The following ARPP21 variants were observed in gnomAD, a reference collection of about 807,000 sequenced individuals.
ARPP21 encodes the protein cAMP regulated phosphoprotein 21.
ARPP21 carries 69 observed loss-of-function variants against 113.2 expected under a neutral mutation model. The observed-to-expected ratio is 0.61, with a 90% confidence interval of 0.50 to 0.74. The LOEUF (loss-of-function observed/expected upper bound fraction) is 0.74, where lower values mean the gene tolerates loss of function less well. ARPP21 is among the 30% of genes least tolerant of loss of function. The pLI is 0.00. For synonymous variants in ARPP21, 368 were observed against 375.5 expected (o/e 0.98, Z 0.23); for missense variants, 1,070 against 1,037.4 (o/e 1.03, Z -0.43).
Position 35,687,641 on chromosome 3 carries a change from G to T in ARPP21, c.262-98G>T, listed in dbSNP as rs561563617. 17 of 1,131,660 alleles carry T rather than the reference G, an allele frequency of 1.5e-5. No homozygotes were observed. In the African/African-American group the frequency reaches 2.5e-4, roughly 16 times the overall value. 70.1% of individuals were successfully genotyped at this position (1,131,660 alleles called of 1,614,324 possible). A position where few individuals can be genotyped will look rare whatever the true frequency, so the allele number is the denominator to read the frequency against. ...TTTAGAAAAAAAAAATCTGCACCTG[G>T]TTTTCATTTTTCTATACTTTATAAC... is the stretch of plus-strand genomic sequence containing the variant. On this transcript the variant is annotated intron_variant, in intron 5 of 20. Coordinates refer to ENST00000684406, the MANE Select transcript of ARPP21 (RefSeq NM_001385562.1).
intron 9 of ARPP21, among the ~76,000 whole-genome samples, chr3:35,705,310 A>G (rs1315246498): frequency 6.6e-6 from 1 of 152,190 alleles, no homozygotes; most frequent in East Asian, 1.9e-4. Flanking sequence ...ATATCTTTAC[A>G]GTGTAATAAG....
intron 1 of ARPP21, chr3:35,651,731 T>C (rs967075229): frequency 1.3e-5 from 2 of 152,110 alleles, no homozygotes; most frequent in Non-Finnish European, 2.9e-5. Flanking sequence ...ACTCATTTTT[T>C]TCTGGTGATC....
chr3:35,732,759 G>A lies in ARPP21; in HGVS notation c.1459+3223G>A, dbSNP rs142934167. ...TATATAAAGTCATGCCATTTGCAGTGACTTCACTTTGAGGAGCCTTTTAGA... is the reference window on the plus strand; with the variant it reads ...TATATAAAGTCATGCCATTTGCAGTAACTTCACTTTGAGGAGCCTTTTAGA... On this transcript the variant is annotated intron_variant, in intron 15 of 20. Coordinates refer to ENST00000684406, the MANE Select transcript of ARPP21 (RefSeq NM_001385562.1). Among the ~76,000 whole-genome samples, 627 of 152,306 alleles carry A rather than the reference G, an allele frequency of 4.1e-3. 3 individuals are homozygous for A. The highest frequency in any genetic ancestry group is 7.2e-3 in the Non-Finnish European group (492 of 68,016).
chr3:35,668,021 A>AGAAGGAGAAGGAGAAGG (rs1559550492), intron 1 of ARPP21, among the ~76,000 whole-genome samples: 15 of 134,812 alleles, frequency 1.1e-4, no homozygotes, highest in Admixed American at 1.0e-3. Context: ...GAAGAAGAAG[A>AGAAGGAGAAGGAGAAGG]AGAAGAAGAA....
At chr3:35,793,549 T>A in intron 20 of ARPP21, 152 bp from the exon 21 acceptor site, 1 of 632,400 alleles carries the variant, frequency 1.6e-6, no homozygotes, top group African/African-American at 1.8e-5. Flanking sequence ...GTGACTTTCC[T>A]AATGTGAAAC....
intron 9 of ARPP21, among the ~76,000 whole-genome samples, chr3:35,693,473 A>G (rs562519616): frequency 6.6e-6 from 1 of 151,734 alleles, no homozygotes; most frequent in Non-Finnish European, 1.5e-5. Flanking sequence ...TTAGCACACG[A>G]AAAAAGAGGA....
chr3:35,641,721 A>T (rs1433794920), intron 1 of ARPP21: 1 of 152,122 alleles, frequency 6.6e-6, no homozygotes, highest in African/African-American at 2.4e-5. Flanking sequence ...TTTGTGTTTG[A>T]TCCTATATTT....
chr3:35,694,827 T>C (rs2083360395), intron 9 of ARPP21, among the ~76,000 whole-genome samples: 1 of 150,524 alleles, frequency 6.6e-6, no homozygotes, highest in African/African-American at 2.4e-5. Flanking sequence ...TACAACTTGA[T>C]AGGTCTTGCT....
At chr3:35,762,310 AAC>A (rs1201153774) in intron 19 of ARPP21, among the ~76,000 whole-genome samples, 1 of 152,102 alleles carries the variant, frequency 6.6e-6, no homozygotes, top group Non-Finnish European at 1.5e-5. Context: ...CTATATCTTG[AAC>A]ATGTTAAAAT....
At chr3:35,732,923 T>C (rs1369215202) in intron 15 of ARPP21, among the ~76,000 whole-genome samples, 1 of 152,198 alleles carries the variant, frequency 6.6e-6, no homozygotes, top group East Asian at 1.9e-4. Context: ...GTTCTGTCTA[T>C]AAATGTATCT....
At chr3:35,756,187 A>C (rs1037670611) in intron 19 of ARPP21, among the ~76,000 whole-genome samples, 3 of 152,094 alleles carry the variant, frequency 2.0e-5, no homozygotes, top group Non-Finnish European at 4.4e-5. Flanking sequence ...AATGAGTGGC[A>C]CATAAATGTA....
At chr3:35,749,191 T>C (rs2095306417) in intron 19 of ARPP21, among the ~76,000 whole-genome samples, 1 of 152,166 alleles carries the variant, frequency 6.6e-6, no homozygotes, top group Non-Finnish European at 1.5e-5. Context: ...AGAGCCTTGG[T>C]CTTCTGCCTC....
intron 14 of ARPP21, among the ~76,000 whole-genome samples, chr3:35,722,334 C>T (rs2093161083): frequency 1.3e-5 from 2 of 152,150 alleles, no homozygotes; most frequent in African/African-American, 4.8e-5. Flanking sequence ...CATTGGAATG[C>T]TGTTAGTACG....
chr3:35,727,886 T>A (rs1263158021), intron 14 of ARPP21, among the ~76,000 whole-genome samples: 2 of 152,154 alleles, frequency 1.3e-5, no homozygotes, highest in Non-Finnish European at 2.9e-5. Flanking sequence ...TATTGGGATA[T>A]GTTTCTATTT....
chr3:35,713,715 C>T (rs2091835242), intron 11 of ARPP21, among the ~76,000 whole-genome samples: 1 of 152,110 alleles, frequency 6.6e-6, no homozygotes. Context: ...CTTTGACTTG[C>T]TTGTGTCTTA....
intron 1 of ARPP21, among the ~76,000 whole-genome samples, chr3:35,658,067 T>C (rs1447092184): frequency 6.6e-6 from 1 of 152,124 alleles, no homozygotes; most frequent in Non-Finnish European, 1.5e-5. Context: ...TACTCTCTTG[T>C]GATAAAAGAT....
intron 19 of ARPP21, among the ~76,000 whole-genome samples, chr3:35,788,826 G>A (rs985378481): frequency 6.6e-6 from 1 of 152,154 alleles, no homozygotes; most frequent in Non-Finnish European, 1.5e-5. Flanking sequence ...GTATGCAACT[G>A]TTGTATTTTA....
chr3:35,746,304 G>T (rs560638983), intron 19 of ARPP21, among the ~76,000 whole-genome samples: 2 of 152,294 alleles, frequency 1.3e-5, no homozygotes, highest in South Asian at 2.1e-4. Context: ...CTCTTTGAGA[G>T]TGCACAGAGG....
At chr3:35,739,614 A>T (rs1443247954) in intron 18 of ARPP21, 37 bp downstream of exon 18, 1 of 1,566,986 alleles carries the variant, frequency 6.4e-7, no homozygotes, top group Non-Finnish European at 8.6e-7. Flanking sequence ...CCTACAGCTG[A>T]TTTCTGATGC....
Sources: gnomAD v4.1 joint callset for allele counts (sites outside exome capture counted in the v4.1 genomes callset) on GRCh38, gnomAD v4.1.1 for gene constraint, MANE v1.5 for transcripts, NCBI Gene and HGNC (gene_info 2026-07-23, HGNC 2026-07-21) for gene names.